Variants in PREX2 observed in about 807,000 individuals in gnomAD.
PREX2 encodes phosphatidylinositol-3,4,5-trisphosphate dependent Rac exchange factor 2, also known as phosphatidylinositol 3,4,5-trisphosphate-dependent Rac exchanger 2 protein.
PREX2 carries 107 observed loss-of-function variants against 203.2 expected under a neutral mutation model. That is an observed-to-expected ratio of 0.53 (90% confidence interval 0.45 to 0.62). The LOEUF is 0.62. Ranked by LOEUF, PREX2 falls within the 20% of genes least tolerant of loss-of-function variation. PREX2 has a pLI of 0.00. For missense variants in PREX2, 1,777 were observed against 1,955.9 expected, an observed-to-expected ratio of 0.91 and a Z score of 1.72; for synonymous variants, 672 against 663.6, an observed-to-expected ratio of 1.01 and a Z score of -0.19.
At chr8:68,040,183 C>G (rs1808155162) in intron 7 of PREX2, among the ~76,000 whole-genome samples, 2 of 152,092 alleles carry the variant, frequency 1.3e-5, no homozygotes, top group African/African-American at 2.4e-5. Flanking sequence ...CGCATGCTGC[C>G]ACATGCAGTT....
At chr8:68,186,483 A>G (rs971200459) in intron 35 of PREX2, among the ~76,000 whole-genome samples, 2 of 152,162 alleles carry the variant, frequency 1.3e-5, no homozygotes, top group African/African-American at 2.4e-5. Flanking sequence ...ATGTTTTTCT[A>G]TCTTAGTTCT....
At chr8:68,098,391 T>G (rs921332271) in intron 22 of PREX2, among the ~76,000 whole-genome samples, 4 of 152,168 alleles carry the variant, frequency 2.6e-5, no homozygotes. Context: ...AAAGTAATTA[T>G]TTTATCTTTT....
chr8:68,101,628 AC>A (rs111767404), intron 23 of PREX2, among the ~76,000 whole-genome samples: 3,339 of 152,272 alleles, frequency 0.022, 104 homozygotes, highest in African/African-American at 0.067. Context: ...ACAAATGCAA[AC>A]GAAAATGCTA....
intron 13 of PREX2, 55 bp from the exon 14 acceptor site, chr8:68,072,440 C>T (rs6985922): frequency 0.54 from 485,867 of 905,794 alleles, 131,443 homozygotes; most frequent in South Asian, 0.56. Flanking sequence ...TGCTTACCTA[C>T]CCTCTTGCTT....
At chr8:68,066,476 A>G (rs1399646541) in intron 11 of PREX2, among the ~76,000 whole-genome samples, 4 of 152,124 alleles carry the variant, frequency 2.6e-5, no homozygotes, top group Admixed American at 2.0e-4. Flanking sequence ...AGAGATGTTG[A>G]ACAACTTTTC....
Position 68,069,034 on chromosome 8 carries a change from T to C in PREX2, c.1341T>C (p.Val447=), listed in dbSNP as rs752733781. ...ALLENGIIHH[V]TDKHQFKPEQ... ...AATATAGTATTTCTATGTTCTTAGT[T>C]ACTGATAAACATCAATTCAAACCAG... The change falls in exon 12 of 40, where the codon GTT becomes GTC. Residue 447 remains valine, a splice_region_variant and synonymous_variant. Transcript: ENST00000288368. 1.5e-6 allele frequency: 2 copies of C among 1,338,646 alleles called. No homozygotes were observed. Among genetic ancestry groups the C allele is most frequent in the Admixed American group, 4.8e-5 (2 of 41,250 alleles). 82.9% of individuals were successfully genotyped at this position (1,338,646 alleles called of 1,614,324 possible). A position where few individuals can be genotyped will look rare whatever the true frequency, so the allele number is the denominator to read the frequency against.
chr8:68,150,737 G>C (rs554179354), intron 34 of PREX2, among the ~76,000 whole-genome samples: 1 of 152,260 alleles, frequency 6.6e-6, no homozygotes, highest in African/African-American at 2.4e-5. Flanking sequence ...CATTACCCAA[G>C]TGAGTCATTG....
chr8:68,117,094 T>C (rs531267542), intron 26 of PREX2, among the ~76,000 whole-genome samples: 186 of 152,358 alleles, frequency 1.2e-3, no homozygotes, highest in African/African-American at 4.4e-3. Flanking sequence ...TGAAAAGATA[T>C]TGATTAAATA....
chr8:68,216,225 C>T (rs1812835670), intron 37 of PREX2, among the ~76,000 whole-genome samples: 1 of 152,186 alleles, frequency 6.6e-6, no homozygotes, highest in African/African-American at 2.4e-5. Flanking sequence ...ATGCATTGGA[C>T]TTCTGTGTTA....
chr8:68,122,180 G>A (rs1450392230), intron 30 of PREX2, among the ~76,000 whole-genome samples: 1 of 151,998 alleles, frequency 6.6e-6, no homozygotes, highest in African/African-American at 2.4e-5. Context: ...AATGTTCTGT[G>A]ATTACTAAGT....
chr8:68,047,688 T>C (rs1412224795), intron 8 of PREX2, among the ~76,000 whole-genome samples: 1 of 151,188 alleles, frequency 6.6e-6, no homozygotes, highest in African/African-American at 2.4e-5. Context: ...GGCCTGGCAC[T>C]TAGAACTTGT....
intron 35 of PREX2, among the ~76,000 whole-genome samples, chr8:68,185,208 T>C (rs1812166507): frequency 6.6e-6 from 1 of 152,192 alleles, no homozygotes. Flanking sequence ...CTTTTTCTGC[T>C]GATAGCTAAG....
intron 8 of PREX2, among the ~76,000 whole-genome samples, chr8:68,048,147 C>A (rs925194715): frequency 3.3e-5 from 5 of 152,030 alleles, no homozygotes; most frequent in African/African-American, 9.7e-5. Context: ...CAGATTTCAA[C>A]TCTCAGTGAA....
chr8:67,968,453 T>A (rs1166896217), intron 1 of PREX2, among the ~76,000 whole-genome samples: 2 of 152,162 alleles, frequency 1.3e-5, no homozygotes, highest in East Asian at 1.9e-4. Context: ...GAAAAGGAAA[T>A]AGCTTTATTA....
intron 1 of PREX2, among the ~76,000 whole-genome samples, chr8:67,954,953 G>A (rs1340991025): frequency 1.3e-5 from 2 of 151,904 alleles, no homozygotes; most frequent in East Asian, 3.9e-4. Context: ...GACAAGCCTG[G>A]CCAACATGGT....
chr8:67,964,113 A>G (rs567243087), intron 1 of PREX2, among the ~76,000 whole-genome samples: 3 of 152,268 alleles, frequency 2.0e-5, no homozygotes, highest in Admixed American at 6.5e-5. Flanking sequence ...CCTTTTCCCT[A>G]TGGTTGAAGC....
At chr8:68,047,963 A>G (rs953576164) in intron 8 of PREX2, among the ~76,000 whole-genome samples, 1 of 152,064 alleles carries the variant, frequency 6.6e-6, no homozygotes, top group African/African-American at 2.4e-5. Context: ...GACTTGGTTT[A>G]TATCATAGTT....
chr8:68,001,292 A>G (rs1025311485), intron 1 of PREX2, among the ~76,000 whole-genome samples: 1 of 114,068 alleles, frequency 8.8e-6, no homozygotes, highest in Non-Finnish European at 1.9e-5. Flanking sequence ...ATGAAAATAC[A>G]CTTTTCAAAA....
chr8:68,176,533 C>T (rs1312302618), intron 35 of PREX2, among the ~76,000 whole-genome samples: 1 of 152,108 alleles, frequency 6.6e-6, no homozygotes, highest in Non-Finnish European at 1.5e-5. Context: ...AAATTGCCCC[C>T]AACAGGCTTG....
Sources: gnomAD v4.1 joint callset for allele counts (sites outside exome capture counted in the v4.1 genomes callset) on GRCh38, gnomAD v4.1.1 for gene constraint, MANE v1.5 for transcripts, NCBI Gene and HGNC (gene_info 2026-07-23, HGNC 2026-07-21) for gene names.